The following LRRC74A variants were observed in gnomAD, a reference collection of about 807,000 sequenced individuals.
LRRC74A encodes leucine rich repeat containing 74A.
Under a neutral mutation model 57.9 loss-of-function variants are expected in LRRC74A, and 44 were observed. The observed-to-expected ratio is 0.76, with a 90% CI of 0.60 to 0.98. The LOEUF (loss-of-function observed/expected upper bound fraction) is 0.98, where lower values mean the gene tolerates loss of function less well. Among genes scored for constraint, LRRC74A ranks in the 50% least tolerant of loss-of-function variants. The pLI, the probability that LRRC74A is intolerant of heterozygous loss-of-function variation, is 0.00. For synonymous variants in LRRC74A, 211 were observed against 219.4 expected, an observed-to-expected ratio of 0.96 and a Z score of 0.34; for missense variants, 572 against 574.0, an observed-to-expected ratio of 1.00 and a Z score of 0.04.
At chr14:76,834,519 A>T (rs1896182612) in intron 3 of LRRC74A, among the ~76,000 whole-genome samples, 1 of 152,220 alleles carries the variant, frequency 6.6e-6, no homozygotes, top group Non-Finnish European at 1.5e-5. Flanking sequence ...GATTAGGAGC[A>T]CGCTAATAGC....
chr14:76,849,830 A>C (rs1204360767), intron 7 of LRRC74A, among the ~76,000 whole-genome samples: 1 of 151,292 alleles, frequency 6.6e-6, no homozygotes, highest in African/African-American at 2.4e-5. Flanking sequence ...AAAAACAAAA[A>C]AAAAACCCAA....
At chr14:76,845,995 G>T (rs1325149703) in intron 7 of LRRC74A, among the ~76,000 whole-genome samples, 4 of 152,216 alleles carry the variant, frequency 2.6e-5, no homozygotes, top group African/African-American at 9.7e-5. Context: ...TCCAGCCTGG[G>T]CAACAGAAGG....
At chr14:76,867,257 G>T in intron 12 of LRRC74A, 99 bp from the exon 13 acceptor site, 1 of 413,488 alleles carries the variant, frequency 2.4e-6, no homozygotes, top group South Asian at 1.9e-5. Flanking sequence ...TTGGGGGGGT[G>T]GGGTGTGTGT....
chr14:76,853,102 G>A, intron 8 of LRRC74A, 114 bp from the exon 9 acceptor site: 1 of 936,054 alleles, frequency 1.1e-6, no homozygotes, highest in South Asian at 1.6e-5. Flanking sequence ...ATCAGTCCTG[G>A]GGACCACTGA....
chr14:76,826,791 C>T (rs887138388), intron 1 of LRRC74A, 57 bp downstream of exon 1: 44 of 1,201,992 alleles, frequency 3.7e-5, no homozygotes, highest in Non-Finnish European at 4.7e-5. Context: ...CTCAGTACAA[C>T]ACCTAGTGAT....
rs1019365566 is a variant in LRRC74A, at chr14:76,835,253, C to T, written c.340-954C>T. Among the ~76,000 whole-genome samples, 4 of 152,184 alleles carry T rather than the reference C, an allele frequency of 2.6e-5. No homozygotes were observed. The East Asian group carries it at 5.8e-4, about 22-fold the overall frequency. On this transcript the variant is annotated intron_variant, in intron 3 of 13. Coordinates refer to ENST00000689127, the MANE Select transcript of LRRC74A (RefSeq NM_001385106.1). ...ATCTCAGCACTTTGGGAGGCCAAGG[C>T]GGGTGGATCACCTGAGGTCAGAAGT...
At chr14:76,863,853 T>C (rs1325587367) in intron 11 of LRRC74A, among the ~76,000 whole-genome samples, 1 of 152,266 alleles carries the variant, frequency 6.6e-6, no homozygotes, top group African/African-American at 2.4e-5. Context: ...CTGCTTCTGC[T>C]ATAATCAAGA....
intron 7 of LRRC74A, among the ~76,000 whole-genome samples, chr14:76,848,641 G>A (rs1267919194): frequency 6.6e-6 from 1 of 152,224 alleles, no homozygotes; most frequent in Non-Finnish European, 1.5e-5. Flanking sequence ...CTGCTGGGAA[G>A]GTTGGAACAG....
At chr14:76,833,993 A>G (rs1242156165) in intron 3 of LRRC74A, among the ~76,000 whole-genome samples, 1 of 152,232 alleles carries the variant, frequency 6.6e-6, no homozygotes, top group Non-Finnish European at 1.5e-5. Context: ...CTTGTATGAT[A>G]AGGATAGGCT....
chr14:76,855,595 C>T (rs757993310), intron 9 of LRRC74A, among the ~76,000 whole-genome samples: 1 of 152,208 alleles, frequency 6.6e-6, no homozygotes, highest in Non-Finnish European at 1.5e-5. Flanking sequence ...TGGGTCTCCA[C>T]ATCCAGCCCT....
intron 12 of LRRC74A, 64 bp from the exon 13 acceptor site, chr14:76,867,292 G>C: frequency 5.7e-6 from 3 of 529,258 alleles, no homozygotes; most frequent in Non-Finnish European, 3.5e-6. Context: ...GTGTTTGGGG[G>C]GGTGTGCCTA....
At chr14:76,827,175 C>T (rs887277847) in intron 1 of LRRC74A, among the ~76,000 whole-genome samples, 2 of 152,132 alleles carry the variant, frequency 1.3e-5, no homozygotes, top group African/African-American at 2.4e-5. Flanking sequence ...AGAAATTCAT[C>T]ACTTTTCTAA....
At chr14:76,869,483 G>GC (rs1595414925) in intron 13 of LRRC74A, among the ~76,000 whole-genome samples, 1 of 148 alleles carries the variant, frequency 6.8e-3, no homozygotes, top group Non-Finnish European at 0.012. Flanking sequence ...GCTGGGCGCG[G>GC]TGCTCACGCC....
chr14:76,852,375 G>T lies in LRRC74A; in HGVS notation c.687G>T (p.Val229=), dbSNP rs765438577. ...EHLGQMLAIN[V]GLTSLDLSWN... ...CCCTCCCTGTTTCAGCCATCAACGT[G>T]GGGCTCACGTCACTGGATCTGAGCT... Residue 229 remains valine, a synonymous_variant, in exon 8 of 14, where the codon GTG becomes GTT. Transcript: ENST00000689127. The T allele has an allele frequency of 6.2e-7, 1 of 1,610,674 alleles. No individual in the cohort carries two copies. Among genetic ancestry groups the T allele is most frequent in the South Asian group, 1.1e-5 (1 of 90,596 alleles).
At chr14:76,849,936 T>C (rs1331853325) in intron 7 of LRRC74A, among the ~76,000 whole-genome samples, 5 of 148,050 alleles carry the variant, frequency 3.4e-5, no homozygotes, top group East Asian at 2.1e-4. Context: ...GGGCCAGGCG[T>C]GGTGGCTCAC....
chr14:76,836,140 G>A (rs1349754558), intron 3 of LRRC74A, 67 bp from the exon 4 acceptor site: 17 of 1,169,892 alleles, frequency 1.5e-5, no homozygotes, highest in South Asian at 8.1e-5. Flanking sequence ...GGCCCAGGGC[G>A]AGCAGGGAAC....
Position 76,860,711 on chromosome 14 carries a change from C to A in LRRC74A, c.1072C>A (p.Gln358Lys), listed in dbSNP as rs376641608. The change falls in exon 11 of 14, where the codon CAG becomes AAG. Residue 358 changes from glutamine to lysine, a missense_variant. Transcript: ENST00000689127. ...GTCACAGAACGTGCTGGTGTCCGAG[C>A]AGTTCATGAAAACGTTGGACGGAGT... ...LDISNVLVSE[Q>K]FMKTLDGVYA... 5 of 1,610,940 alleles carry A rather than the reference C, an allele frequency of 3.1e-6. No homozygotes were observed. The African/African-American group carries it at 4.0e-5, about 13-fold the overall frequency.
intron 9 of LRRC74A, among the ~76,000 whole-genome samples, chr14:76,856,099 C>T (rs1027856936): frequency 1.6e-4 from 24 of 152,346 alleles, no homozygotes; most frequent in African/African-American, 5.8e-4. Context: ...GTGGCCCATC[C>T]CAGCTCTGTG....
chr14:76,827,751 A>AAG (rs1895674744), intron 1 of LRRC74A, among the ~76,000 whole-genome samples: 1 of 152,142 alleles, frequency 6.6e-6, no homozygotes, highest in South Asian at 2.1e-4. Context: ...GATTGGAAGG[A>AAG]AGAGAAGCTA....
Sources: gnomAD v4.1 joint callset for allele counts (sites outside exome capture counted in the v4.1 genomes callset) on GRCh38, gnomAD v4.1.1 for gene constraint, MANE v1.5 for transcripts, NCBI Gene and HGNC (gene_info 2026-07-23, HGNC 2026-07-21) for gene names.